The following CAMK4 variants were observed in gnomAD, a reference collection of about 807,000 sequenced individuals.
CAMK4 encodes the protein calcium/calmodulin dependent protein kinase IV.
CAMK4 carries 22 observed loss-of-function variants against 44.9 expected under a neutral mutation model. That is an observed-to-expected ratio of 0.49 (90% CI 0.35 to 0.70). The LOEUF is 0.70. Among genes scored for constraint, CAMK4 ranks in the 30% least tolerant of loss-of-function variants. The pLI, the probability that CAMK4 is intolerant of heterozygous loss-of-function variation, is 0.01. For synonymous variants in CAMK4, 218 were observed against 215.4 expected (o/e 1.01, Z -0.11); for missense variants, 498 against 586.8 (o/e 0.85, Z 1.56).
At chr5:111,225,098 A>G (rs1432811082) in intron 1 of CAMK4, among the ~76,000 whole-genome samples, 2 of 152,246 alleles carry the variant, frequency 1.3e-5, no homozygotes, top group Admixed American at 1.3e-4. Flanking sequence ...TCTCCAAAGC[A>G]AGTGACACGA....
At chr5:111,371,671 A>G (rs1240470628) in intron 2 of CAMK4, among the ~76,000 whole-genome samples, 6 of 152,140 alleles carry the variant, frequency 3.9e-5, no homozygotes, top group Admixed American at 6.5e-5. Context: ...AATAAAACAC[A>G]TTTTTTGGTT....
At chr5:111,234,523 A>G (rs567060877) in intron 1 of CAMK4, among the ~76,000 whole-genome samples, 38 of 152,334 alleles carry the variant, frequency 2.5e-4, no homozygotes, top group African/African-American at 8.7e-4. Flanking sequence ...AAGAATCTCA[A>G]TTTTAATATA....
chr5:111,431,869 G>A (rs540863959), intron 5 of CAMK4, among the ~76,000 whole-genome samples: 2 of 152,234 alleles, frequency 1.3e-5, no homozygotes, highest in African/African-American at 4.8e-5. Flanking sequence ...AACAAATGCT[G>A]GTGAGGATGT....
chr5:111,291,915 G>C (rs1410154274), intron 1 of CAMK4, among the ~76,000 whole-genome samples: 1 of 152,072 alleles, frequency 6.6e-6, no homozygotes, highest in African/African-American at 2.4e-5. Flanking sequence ...GGTTTTTCTT[G>C]ACAACATACT....
chr5:111,285,730 G>C (rs1369943253), intron 1 of CAMK4, among the ~76,000 whole-genome samples: 3 of 152,164 alleles, frequency 2.0e-5, no homozygotes, highest in Non-Finnish European at 4.4e-5. Flanking sequence ...AGTTGCTTAT[G>C]TTCCCTGTCA....
intron 1 of CAMK4, among the ~76,000 whole-genome samples, chr5:111,263,382 AGG>A: frequency 6.6e-6 from 1 of 152,224 alleles, no homozygotes; most frequent in African/African-American, 2.4e-5. Flanking sequence ...TGGCCAGTGA[AGG>A]CTGTTAAGGG....
chr5:111,319,230 G>A (rs1023687356), intron 1 of CAMK4, among the ~76,000 whole-genome samples: 1 of 152,142 alleles, frequency 6.6e-6, no homozygotes, highest in Non-Finnish European at 1.5e-5. Flanking sequence ...AATAGTAGTA[G>A]TGATTAATTT....
At chr5:111,323,572 T>A (rs1580589493) in intron 1 of CAMK4, among the ~76,000 whole-genome samples, 2 of 150,110 alleles carry the variant, frequency 1.3e-5, no homozygotes, top group Admixed American at 6.6e-5. Flanking sequence ...GAAAAAAAAA[T>A]GAAGACCAGA....
intron 7 of CAMK4, among the ~76,000 whole-genome samples, chr5:111,471,786 A>T (rs1353891707): frequency 6.6e-6 from 1 of 152,166 alleles, no homozygotes; most frequent in Non-Finnish European, 1.5e-5. Flanking sequence ...ACATGATGAG[A>T]GTTAAGGGAT....
At chr5:111,292,360 AAAGT>A (rs1260444225) in intron 1 of CAMK4, among the ~76,000 whole-genome samples, 1 of 152,182 alleles carries the variant, frequency 6.6e-6, no homozygotes, top group Non-Finnish European at 1.5e-5. Context: ...AATGTTATAT[AAAGT>A]ATGAATGTAT....
chr5:111,436,499 G>C (rs145320907), intron 5 of CAMK4, among the ~76,000 whole-genome samples: 1 of 152,144 alleles, frequency 6.6e-6, no homozygotes, highest in Non-Finnish European at 1.5e-5. Flanking sequence ...ATCCCAGCAA[G>C]TATTTTCCAG....
intron 1 of CAMK4, among the ~76,000 whole-genome samples, chr5:111,309,525 A>T (rs1175944127): frequency 6.6e-6 from 1 of 152,174 alleles, no homozygotes; most frequent in South Asian, 2.1e-4. Context: ...TCCTTAAGCT[A>T]AAGTCAAATC....
intron 2 of CAMK4, among the ~76,000 whole-genome samples, chr5:111,361,183 T>C (rs1750578076): frequency 6.6e-6 from 1 of 152,084 alleles, no homozygotes; most frequent in African/African-American, 2.4e-5. Flanking sequence ...ATGTAATTGA[T>C]GAAGCTTAAA....
intron 1 of CAMK4, among the ~76,000 whole-genome samples, chr5:111,329,270 C>T (rs1463861633): frequency 6.6e-6 from 1 of 151,922 alleles, no homozygotes; most frequent in Non-Finnish European, 1.5e-5. Context: ...CAGCCAATAT[C>T]ATACTGAATG....
chr5:111,425,640 A>G (rs1753199954), intron 5 of CAMK4, among the ~76,000 whole-genome samples: 1 of 152,248 alleles, frequency 6.6e-6, no homozygotes, highest in African/African-American at 2.4e-5. Context: ...ATGGTTTGTT[A>G]TGACAAGTAT....
chr5:111,477,399 G>T (rs915687815), intron 8 of CAMK4, among the ~76,000 whole-genome samples: 1 of 152,186 alleles, frequency 6.6e-6, no homozygotes, highest in African/African-American at 2.4e-5. Context: ...GCCAGCTTGA[G>T]TGAAGCCTTT....
intron 1 of CAMK4, among the ~76,000 whole-genome samples, chr5:111,225,343 G>A (rs1748135787): frequency 1.3e-5 from 2 of 152,204 alleles, no homozygotes; most frequent in South Asian, 4.1e-4. Flanking sequence ...TAGGATTGCA[G>A]ATATGTCCCC....
intron 7 of CAMK4, among the ~76,000 whole-genome samples, chr5:111,457,860 C>A (rs1486912993): frequency 6.6e-6 from 1 of 152,174 alleles, no homozygotes; most frequent in African/African-American, 2.4e-5. Flanking sequence ...GACGATCTCA[C>A]CCAAGAATGA....
intron 1 of CAMK4, among the ~76,000 whole-genome samples, chr5:111,230,927 TA>T (rs1274346557): frequency 6.6e-6 from 1 of 151,988 alleles, no homozygotes; most frequent in Non-Finnish European, 1.5e-5. Flanking sequence ...TACTGCAAAA[TA>T]TGGTGTTTGA....
Sources: gnomAD v4.1 joint callset for allele counts (sites outside exome capture counted in the v4.1 genomes callset) on GRCh38, gnomAD v4.1.1 for gene constraint, MANE v1.5 for transcripts, NCBI Gene and HGNC (gene_info 2026-07-23, HGNC 2026-07-21) for gene names.